Variants in MEOX2 observed in about 807,000 individuals in gnomAD.
MEOX2 encodes mesenchyme homeobox 2.
MEOX2 carries 11 observed loss-of-function variants against 27.0 expected under a neutral mutation model. The observed-to-expected ratio is 0.41, with a 90% confidence interval of 0.26 to 0.68. The LOEUF (loss-of-function observed/expected upper bound fraction) is 0.68. Ranked by LOEUF, MEOX2 falls within the 30% of genes least tolerant of loss-of-function variation. The pLI is 0.33. For missense variants in MEOX2, 436 were observed against 385.4 expected (o/e 1.13, Z -1.10); for synonymous variants, 189 against 155.4 (o/e 1.22, Z -1.61).
chr7:15,621,706 G>C (rs935997516), intron 2 of MEOX2, among the ~76,000 whole-genome samples: 1 of 152,326 alleles, frequency 6.6e-6, no homozygotes, highest in East Asian at 1.9e-4. Flanking sequence ...AATAACATCA[G>C]TGATAGACAT....
intron 1 of MEOX2, among the ~76,000 whole-genome samples, chr7:15,627,949 C>G (rs563809127): frequency 2.0e-5 from 3 of 152,024 alleles, no homozygotes; most frequent in Admixed American, 2.0e-4. Flanking sequence ...TTTCTGGTAT[C>G]TAATTATTTT....
At chr7:15,644,536 C>G (rs929151132) in intron 1 of MEOX2, among the ~76,000 whole-genome samples, 1 of 152,108 alleles carries the variant, frequency 6.6e-6, no homozygotes, top group South Asian at 2.1e-4. Context: ...TGAATCTGCT[C>G]CTGCACCTTG....
intron 1 of MEOX2, among the ~76,000 whole-genome samples, chr7:15,661,728 A>G (rs1781922638): frequency 6.6e-6 from 1 of 152,320 alleles, no homozygotes; most frequent in East Asian, 1.9e-4. Flanking sequence ...GCAGTGCTAT[A>G]TAGCCACGAA....
chr7:15,616,727 A>G (rs1288513943), intron 2 of MEOX2, among the ~76,000 whole-genome samples: 1 of 152,002 alleles, frequency 6.6e-6, no homozygotes, highest in Non-Finnish European at 1.5e-5. Flanking sequence ...ATTAATTTAT[A>G]AACTACACAG....
At chr7:15,683,800 G>A (rs1002263746) in intron 1 of MEOX2, among the ~76,000 whole-genome samples, 1 of 152,036 alleles carries the variant, frequency 6.6e-6, no homozygotes, top group African/African-American at 2.4e-5. Flanking sequence ...TAAATCCCCA[G>A]TATTTTTATC....
At chr7:15,683,468 C>G (rs1467923377) in intron 1 of MEOX2, among the ~76,000 whole-genome samples, 1 of 151,922 alleles carries the variant, frequency 6.6e-6, no homozygotes, top group Non-Finnish European at 1.5e-5. Flanking sequence ...CTAAAATGTG[C>G]TATAAGCAAT....
At chr7:15,676,700 G>A (rs28739453) in intron 1 of MEOX2, among the ~76,000 whole-genome samples, 5 of 151,846 alleles carry the variant, frequency 3.3e-5, no homozygotes, top group East Asian at 3.9e-4. Context: ...GTGAAACCGC[G>A]TCTCTACTAA....
In MEOX2 at chr7:15,626,755, A is replaced by T; in HGVS notation, c.681T>A (p.Thr227=). 6.2e-7 allele frequency: 1 copy of T among 1,607,670 alleles called. No homozygotes were observed. Among genetic ancestry groups the T allele is most frequent in the Non-Finnish European group, 8.5e-7 (1 of 1,176,528 alleles). ...TAATGCCCAGCTTTACCTGTCTTTC[A>T]GTGAGATCCAGATTCACTGCTATCT... The part of the protein sequence containing the change: ...RYEIAVNLDL[T]ERQVKVWFQN... Residue 227 remains threonine (T), a synonymous_variant, in exon 2 of 3, where the codon ACT becomes ACA. Transcript: ENST00000262041.
intron 2 of MEOX2, among the ~76,000 whole-genome samples, chr7:15,614,532 G>C (rs914284823): frequency 6.6e-6 from 1 of 152,080 alleles, no homozygotes; most frequent in Non-Finnish European, 1.5e-5. Context: ...ATAACACATT[G>C]TCCCAGGTCC....
intron 2 of MEOX2, among the ~76,000 whole-genome samples, chr7:15,616,330 A>G (rs970205856): frequency 6.5e-4 from 99 of 152,016 alleles, no homozygotes; most frequent in African/African-American, 2.2e-3. Flanking sequence ...CTAAAAGTCA[A>G]TATGTTCAGA....
intron 1 of MEOX2, among the ~76,000 whole-genome samples, chr7:15,631,157 A>C (rs756739664): frequency 6.6e-6 from 1 of 151,686 alleles, no homozygotes; most frequent in East Asian, 1.9e-4. Flanking sequence ...TACAAAGCAA[A>C]CCCAAATTTT....
chr7:15,648,656 G>A (rs116033186), intron 1 of MEOX2, among the ~76,000 whole-genome samples: 2,655 of 152,186 alleles, frequency 0.017, 88 homozygotes, highest in African/African-American at 0.062. Context: ...GGCTGGGACT[G>A]AGGTTCCAGA....
chr7:15,663,871 T>C (rs1408274418), intron 1 of MEOX2, among the ~76,000 whole-genome samples: 1 of 152,180 alleles, frequency 6.6e-6, no homozygotes, highest in Non-Finnish European at 1.5e-5. Flanking sequence ...TAACTTGTTA[T>C]TTGATCTCCT....
chr7:15,672,101 CA>C (rs68131578), intron 1 of MEOX2, among the ~76,000 whole-genome samples: 1 of 148,278 alleles, frequency 6.7e-6, no homozygotes, highest in East Asian at 1.9e-4. Flanking sequence ...TAAAAAAAAA[CA>C]AAAAAAACAA....
At chr7:15,630,257 TC>T (rs1781381314) in intron 1 of MEOX2, among the ~76,000 whole-genome samples, 1 of 152,078 alleles carries the variant, frequency 6.6e-6, no homozygotes, top group African/African-American at 2.4e-5. Flanking sequence ...CTGCAATACT[TC>T]CGTGGAGGAT....
At chr7:15,614,915 G>A (rs1167912253) in intron 2 of MEOX2, among the ~76,000 whole-genome samples, 3 of 152,026 alleles carry the variant, frequency 2.0e-5, no homozygotes, top group African/African-American at 7.2e-5. Flanking sequence ...TGCTTTCACA[G>A]TGAAATATTT....
In MEOX2 at chr7:15,686,392, G is replaced by C. The variant is rs1350549042; in HGVS notation, c.11C>G (p.Pro4Arg). 2 of 1,572,444 alleles carry C rather than the reference G, an allele frequency of 1.3e-6. No individual in the cohort carries two copies. Among genetic ancestry groups the C allele is most frequent in the African/African-American group, 2.7e-5 (2 of 73,958 alleles). Residue 4 changes from proline (P) to arginine (R), a missense_variant, in exon 1 of 3, where the codon CCG becomes CGG. By Grantham distance (103) the Pro-to-Arg change is moderately radical. Coordinates refer to ENST00000262041, the MANE Select transcript of MEOX2 (RefSeq NM_005924.5). ...AGGGCTGCGCAGGCAGCCAAAGAGC[G>C]GGTGTTCCATAGCATGCAAGTTTCG... MEH[P>R]LFGCLRSPHA... is the part of the protein sequence containing the mutation.
intron 1 of MEOX2, among the ~76,000 whole-genome samples, chr7:15,627,173 C>G (rs1021089466): frequency 1.3e-5 from 2 of 151,888 alleles, no homozygotes; most frequent in African/African-American, 4.8e-5. Flanking sequence ...TTAACAAAAC[C>G]TTTAACTGCT....
chr7:15,618,013 G>A (rs540402434), intron 2 of MEOX2, among the ~76,000 whole-genome samples: 3 of 152,132 alleles, frequency 2.0e-5, no homozygotes, highest in Non-Finnish European at 4.4e-5. Flanking sequence ...GAATCTCACA[G>A]GCACAATTAT....
Sources: allele counts gnomAD v4.1 joint callset (sites outside exome capture counted in the v4.1 genomes callset), GRCh38; gene constraint gnomAD v4.1.1; transcripts MANE v1.5; gene names NCBI Gene and HGNC (gene_info 2026-07-23, HGNC 2026-07-21).